The following ASB5 variants were observed in gnomAD, a reference collection of about 807,000 sequenced individuals.
ASB5 encodes the protein ankyrin repeat and SOCS box containing 5.
ASB5 carries 45 observed loss-of-function variants against 42.1 expected under a neutral mutation model. That is an observed-to-expected ratio of 1.07 (90% CI 0.84 to 1.37). The LOEUF (loss-of-function observed/expected upper bound fraction) is 1.37. Among genes scored for constraint, ASB5 ranks in the 40% most tolerant of loss-of-function variants. The pLI, the probability that ASB5 is intolerant of heterozygous loss-of-function variation, is 0.00. For synonymous variants in ASB5, 147 were observed against 150.6 expected, an observed-to-expected ratio of 0.98 and a Z score of 0.18; for missense variants, 402 against 399.8, an observed-to-expected ratio of 1.01 and a Z score of -0.05.
At chr4:176,276,280 A>G (rs545949356) in intron 1 of ASB5, among the ~76,000 whole-genome samples, 1 of 152,322 alleles carries the variant, frequency 6.6e-6, no homozygotes, top group East Asian at 1.9e-4. Flanking sequence ...TATTTAAGTT[A>G]AATTAGAATC....
chr4:176,251,051 AGCT>A (rs769925249), intron 1 of ASB5, among the ~76,000 whole-genome samples: 2 of 152,060 alleles, frequency 1.3e-5, no homozygotes, highest in Non-Finnish European at 2.9e-5. Flanking sequence ...TGAGGACAAC[AGCT>A]GCCGAGGAGA....
chr4:176,230,182 T>C (rs1391911818), intron 1 of ASB5, among the ~76,000 whole-genome samples: 1 of 152,162 alleles, frequency 6.6e-6, no homozygotes, highest in Non-Finnish European at 1.5e-5. Context: ...CAATAAATAA[T>C]AACTAGCATT....
intron 1 of ASB5, among the ~76,000 whole-genome samples, chr4:176,256,362 T>C (rs1754157318): frequency 6.6e-6 from 1 of 152,214 alleles, no homozygotes; most frequent in African/African-American, 2.4e-5. Flanking sequence ...TTCTTTGTGT[T>C]TTATTATTTT....
chr4:176,234,205 G>A (rs75068997), intron 1 of ASB5, among the ~76,000 whole-genome samples: 4,448 of 152,186 alleles, frequency 0.029, 232 homozygotes, highest in African/African-American at 0.1. Flanking sequence ...AGAATCCCAT[G>A]GCTTCCCTTC....
At chr4:176,260,454 T>A (rs1038814200) in intron 1 of ASB5, among the ~76,000 whole-genome samples, 5 of 152,188 alleles carry the variant, frequency 3.3e-5, no homozygotes. Context: ...AGTGGACTTG[T>A]TTAATCACAG....
At chr4:176,258,774 C>G (rs1054570933) in intron 1 of ASB5, among the ~76,000 whole-genome samples, 22 of 151,952 alleles carry the variant, frequency 1.4e-4, no homozygotes, top group African/African-American at 4.8e-4. Flanking sequence ...AGCTTTAAAC[C>G]TACAAAATCT....
intron 1 of ASB5, 88 bp downstream of exon 1, chr4:176,268,825 T>C: frequency 8.8e-7 from 1 of 1,133,950 alleles, no homozygotes; most frequent in Admixed American, 2.9e-5. Flanking sequence ...ATATTTACCT[T>C]GAAGCAGTCT....
chr4:176,249,893 G>A (rs921358858), intron 1 of ASB5, among the ~76,000 whole-genome samples: 29 of 149,694 alleles, frequency 1.9e-4, no homozygotes, highest in Admixed American at 3.4e-4. Flanking sequence ...GTGAAACCCC[G>A]TCTCTACTAA....
At chr4:176,230,021 T>C (rs1162937250) in intron 1 of ASB5, among the ~76,000 whole-genome samples, 1 of 152,150 alleles carries the variant, frequency 6.6e-6, no homozygotes, top group Non-Finnish European at 1.5e-5. Flanking sequence ...CAGGCCTGGA[T>C]TGGCACCCCA....
intron 1 of ASB5, chr4:176,249,674 A>C (rs1261655657): frequency 6.6e-6 from 1 of 152,224 alleles, no homozygotes; most frequent in African/African-American, 2.4e-5. Flanking sequence ...TGCTTGGTGG[A>C]GAGGATGAGA....
chr4:176,222,279 A>G, intron 3 of ASB5, 34 bp downstream of exon 3: 1 of 1,534,368 alleles, frequency 6.5e-7, no homozygotes, highest in Non-Finnish European at 9.0e-7. Flanking sequence ...CCGTCAGTAG[A>G]TGTTAAATGA....
intron 3 of ASB5, 53 bp from the exon 4 acceptor site, chr4:176,221,653 AC>A: frequency 6.8e-7 from 1 of 1,472,938 alleles, no homozygotes; most frequent in African/African-American, 1.4e-5. Context: ...TACATGAGTA[AC>A]CGACTTAGGC....
exon 1 of ASB5, chr4:176,277,343 A>C (rs989669902): frequency 1.3e-5 from 2 of 152,214 alleles, no homozygotes; most frequent in Non-Finnish European, 2.9e-5. Flanking sequence ...GGCACACAAC[A>C]GTGTGGGGAT....
At chr4:176,223,045 T>C (rs1483916157) in intron 2 of ASB5, among the ~76,000 whole-genome samples, 2 of 152,152 alleles carry the variant, frequency 1.3e-5, no homozygotes, top group African/African-American at 4.8e-5. Context: ...CCCAAAGTGC[T>C]GGAATTACAG....
At chr4:176,273,704 T>G (rs1754515648), upstream of ASB5, among the ~76,000 whole-genome samples, 1 of 152,222 alleles carries the variant, frequency 6.6e-6, no homozygotes, top group Non-Finnish European at 1.5e-5. Flanking sequence ...CATCACATAT[T>G]GAGATCTGCC....
intron 1 of ASB5, among the ~76,000 whole-genome samples, chr4:176,235,018 G>A (rs1261496502): frequency 3.3e-5 from 5 of 152,226 alleles, no homozygotes; most frequent in South Asian, 2.1e-4. Context: ...AGCAAACTCC[G>A]TTCTTTTGAA....
At chr4:176,274,909 ATTTTT>A (rs35690692) in intron 2 of ASB5, among the ~76,000 whole-genome samples, 1 of 106,302 alleles carries the variant, frequency 9.4e-6, no homozygotes. Context: ...CAGCATAGCA[ATTTTT>A]TTTTTTTTTT....
At chr4:176,275,205 G>A (rs182402338) in intron 2 of ASB5, among the ~76,000 whole-genome samples, 60 of 152,132 alleles carry the variant, frequency 3.9e-4, no homozygotes, top group Admixed American at 8.5e-4. Context: ...ATAAGCCTCC[G>A]CATCAGGCCC....
rs920264568 is a variant in ASB5, at chr4:176,222,555, T to C, written c.277-135A>G. 23 of 790,196 alleles carry C rather than the reference T, an allele frequency of 2.9e-5. No individual in the cohort carries two copies. The Admixed American group carries it at 4.1e-4, about 14-fold the overall frequency. The allele number at this position is 790,196 out of a possible 1,614,324, so 48.9% of individuals were successfully genotyped here. ...CAAACGAGTTTCCAGTTTAGCAGGA[T>C]AGGCCAGTTCAAATGCCATAGGGTC... On this transcript the variant is annotated intron_variant, in intron 2 of 6. Transcript: ENST00000296525.
Sources: allele counts gnomAD v4.1 joint callset (sites outside exome capture counted in the v4.1 genomes callset), GRCh38; gene constraint gnomAD v4.1.1; transcripts MANE v1.5; gene names NCBI Gene and HGNC (gene_info 2026-07-23, HGNC 2026-07-21).